CCDC32: variants seen among roughly 807,000 people sequenced by gnomAD.
CCDC32 encodes the protein coiled-coil domain-containing protein 32.
A neutral mutation model predicts 20.1 loss-of-function variants in CCDC32; 9 were observed. The ratio of observed to expected loss-of-function variants is 0.45; its 90% CI spans 0.27 to 0.78. The LOEUF is 0.78. Among genes scored for constraint, CCDC32 ranks in the 30% least tolerant of loss-of-function variants. The pLI, the probability that CCDC32 is intolerant of heterozygous loss-of-function variation, is 0.16. For missense variants in CCDC32, 204 were observed against 215.5 expected, an observed-to-expected ratio of 0.95 and a Z score of 0.33; for synonymous variants, 63 against 79.0, an observed-to-expected ratio of 0.80 and a Z score of 1.07.
chr15:40,555,170 G>C (rs34240706), intron 3 of CCDC32, among the ~76,000 whole-genome samples: 2,346 of 152,296 alleles, frequency 0.015, 31 homozygotes, highest in Middle Eastern at 0.048. Flanking sequence ...TGTAGGCTCT[G>C]GGGAAAAATC....
chr15:40,560,615 GA>G, intron 2 of CCDC32, among the ~76,000 whole-genome samples: 1 of 152,256 alleles, frequency 6.6e-6, no homozygotes, highest in Middle Eastern at 3.4e-3. Context: ...ACAAACATAT[GA>G]AAAAATGCTC....
intron 3 of CCDC32, among the ~76,000 whole-genome samples, chr15:40,539,882 C>CACACACACA (rs1555413885): frequency 1.5e-5 from 1 of 67,194 alleles, no homozygotes; most frequent in Admixed American, 1.9e-4. Flanking sequence ...ACACACACAC[C>CACACACACA]CCGCTCCTTG....
downstream of CCDC32, among the ~76,000 whole-genome samples, chr15:40,548,862 T>C (rs1190390029): frequency 1.3e-5 from 2 of 152,160 alleles, no homozygotes; most frequent in African/African-American, 2.4e-5. Flanking sequence ...AGGGAGGGAA[T>C]ATTGACTGAA....
chr15:40,521,778 G>A, the CCDC32 span, among the ~76,000 whole-genome samples: 1 of 152,150 alleles, frequency 6.6e-6, no homozygotes, highest in Admixed American at 6.5e-5. Flanking sequence ...TGTCTATTCA[G>A]ATCCTTTGCC....
intron 3 of CCDC32, chr15:40,539,449 T>C (rs1407594114): frequency 1.2e-5 from 13 of 1,094,206 alleles, no homozygotes; most frequent in Non-Finnish European, 1.7e-5. Flanking sequence ...CAGGCATACA[T>C]AGGAGCACCG....
At chr15:40,541,492 C>T (rs113076254) in intron 3 of CCDC32, among the ~76,000 whole-genome samples, 1,764 of 152,256 alleles carry the variant, frequency 0.012, 28 homozygotes, top group African/African-American at 0.04. Context: ...ACCACCAACC[C>T]GGCTAATTTT....
chr15:40,538,246 A>G (rs1179029070), downstream of CCDC32: 1 of 152,204 alleles, frequency 6.6e-6, no homozygotes, highest in South Asian at 2.1e-4. Context: ...TTCAGTAAAT[A>G]AGAAGACCAC....
chr15:40,554,320 A>G (rs1890091200), intron 3 of CCDC32, among the ~76,000 whole-genome samples, 193 bp from the exon 4 acceptor site: 1 of 152,144 alleles, frequency 6.6e-6, no homozygotes, highest in Non-Finnish European at 1.5e-5. Flanking sequence ...TCTGCGCATA[A>G]TTTACCCCAT....
chr15:40,534,746 C>A (rs1889036432), downstream of CCDC32: 1 of 618,484 alleles, frequency 1.6e-6, no homozygotes. Flanking sequence ...GGGCACTAAT[C>A]CCATTGATAA....
rs1244145212 is a variant in CCDC32 at position 40,553,512 on chromosome 15, G to C, written c.*459C>G. On this transcript the variant is annotated 3_prime_UTR_variant, in exon 4 of 4. Coordinates refer to ENST00000416810, the MANE Select transcript of CCDC32 (RefSeq NM_001080792.4). ...CTTCACTCTTACTGGCCCCACTCACGTGACAATTCACCAAGGGAATGCTTG... is the reference window on the plus strand; with the variant it reads ...CTTCACTCTTACTGGCCCCACTCACCTGACAATTCACCAAGGGAATGCTTG... 1.0e-6 allele frequency: 1 copy of C among 987,268 alleles called. No homozygotes were observed. Among genetic ancestry groups the C allele is most frequent in the Non-Finnish European group, 1.2e-6 (1 of 831,226 alleles). The allele number at this position is 987,268 out of a possible 1,614,324, so 61.2% of individuals were successfully genotyped here. A position where few individuals can be genotyped will look rare whatever the true frequency, so the allele number is the denominator to read the frequency against.
downstream of CCDC32, chr15:40,535,250 G>A: frequency 7.2e-7 from 1 of 1,387,944 alleles, no homozygotes; most frequent in Non-Finnish European, 9.3e-7. Flanking sequence ...GTCTACATGA[G>A]AGGCAATGAC....
At chr15:40,556,204 A>G (rs1890226090) in intron 3 of CCDC32, among the ~76,000 whole-genome samples, 1 of 152,164 alleles carries the variant, frequency 6.6e-6, no homozygotes, top group African/African-American at 2.4e-5. Flanking sequence ...ATCTTTCTGC[A>G]TCTAAACTAC....
At chr15:40,561,761 C>T (rs2141656194) in intron 2 of CCDC32, among the ~76,000 whole-genome samples, 1 of 151,996 alleles carries the variant, frequency 6.6e-6, no homozygotes, top group South Asian at 2.1e-4. Flanking sequence ...TTCAGGAGGC[C>T]AAGGTAAGCC....
At chr15:40,523,208 G>C in the CCDC32 span, among the ~76,000 whole-genome samples, 1 of 151,512 alleles carries the variant, frequency 6.6e-6, no homozygotes, top group Non-Finnish European at 1.5e-5. Context: ...TCTGTTACAA[G>C]AAAAGGTGGA....
chr15:40,565,004 T>A lies in CCDC32; in HGVS notation c.-41A>T. ...AACAGCTGCCCAGTAAACGCTTGGC[T>A]CAGCTCTGTCGCCTGTAGCCCGGAG... On this transcript the variant is annotated 5_prime_UTR_variant, in exon 1 of 4. Transcript: ENST00000416810. 1.7e-6 allele frequency: 1 copy of A among 588,642 alleles called. No homozygotes were observed. Among genetic ancestry groups the A allele is most frequent in the East Asian group, 2.8e-5 (1 of 35,956 alleles). 36.5% of individuals were successfully genotyped at this position (588,642 alleles called of 1,614,324 possible).
At chr15:40,539,032 C>G, downstream of CCDC32, 1 of 577,666 alleles carries the variant, frequency 1.7e-6, no homozygotes, top group Non-Finnish European at 3.1e-6. Flanking sequence ...TGACTAAAGC[C>G]CTGTCTCTCT....
chr15:40,546,022 C>G (rs1344241917), intron 3 of CCDC32, among the ~76,000 whole-genome samples: 1 of 152,086 alleles, frequency 6.6e-6, no homozygotes, highest in African/African-American at 2.4e-5. Flanking sequence ...TTGCTTTTCC[C>G]CCATCCCAGT....
At position 40,557,325 on chromosome 15, in the gene CCDC32, T is replaced by G. The variant is rs1199913658; in HGVS notation, c.292A>C (p.Lys98Gln). The part of the protein sequence containing the change: ...IKGLNQEVTS[K>Q]DMLRTLAQAK... The stretch of plus-strand genomic sequence containing the variant: ...TGGGCCAGAGTTCGAAGCATGTCCT[T>G]GGAAGTCACTTCCTGATTTAAACCT... The change falls in exon 3 of 4, where the codon AAG (lysine) becomes CAG (glutamine). Residue 98 changes from lysine (K) to glutamine (Q), a missense_variant. Coordinates refer to ENST00000416810, the MANE Select transcript of CCDC32 (RefSeq NM_001080792.4). 1 of 1,613,950 alleles carries G rather than the reference T, an allele frequency of 6.2e-7. No homozygotes were observed.
the CCDC32 span, among the ~76,000 whole-genome samples, chr15:40,521,307 C>T: frequency 2.0e-5 from 3 of 152,190 alleles, no homozygotes; most frequent in Non-Finnish European, 4.4e-5. Flanking sequence ...GATTATACAA[C>T]GCGTGTCTTT....
Sources: gnomAD v4.1 joint callset for allele counts (sites outside exome capture counted in the v4.1 genomes callset) on GRCh38, gnomAD v4.1.1 for gene constraint, MANE v1.5 for transcripts, NCBI Gene and HGNC (gene_info 2026-07-23, HGNC 2026-07-21) for gene names.